The following FKBP5 variants were observed in gnomAD, a reference collection of about 807,000 sequenced individuals.
FKBP5 encodes the protein peptidyl-prolyl cis-trans isomerase FKBP5.
Under a neutral mutation model 50.5 loss-of-function variants are expected in FKBP5, and 23 were observed. The ratio of observed to expected loss-of-function variants is 0.46; its 90% CI spans 0.33 to 0.65. FKBP5 has a LOEUF of 0.65. Ranked by LOEUF, FKBP5 falls within the 30% of genes least tolerant of loss-of-function variation. The pLI is 0.02. For missense variants in FKBP5, 411 were observed against 553.1 expected (o/e 0.74, Z 2.58); for synonymous variants, 176 against 190.6 (o/e 0.92, Z 0.63).
intron 9 of FKBP5, among the ~76,000 whole-genome samples, chr6:35,577,681 A>T (rs1762265260): frequency 6.6e-6 from 1 of 152,238 alleles, no homozygotes; most frequent in African/African-American, 2.4e-5. Context: ...AACATTTGAA[A>T]ATGACAAAGG....
At chr6:35,651,877 A>C (rs1486318073) in intron 1 of FKBP5, 1 of 1,149,556 alleles carries the variant, frequency 8.7e-7, no homozygotes, top group Non-Finnish European at 1.1e-6. Flanking sequence ...GGTGCAAAAA[A>C]TAAATCCTCT....
At chr6:35,624,622 T>C (rs1392830875) in intron 3 of FKBP5, among the ~76,000 whole-genome samples, 2 of 152,126 alleles carry the variant, frequency 1.3e-5, no homozygotes, top group Non-Finnish European at 2.9e-5. Context: ...CTAGCTTTGG[T>C]CTCACTCTAC....
intron 1 of FKBP5, among the ~76,000 whole-genome samples, chr6:35,649,247 T>G (rs1290048633): frequency 8.6e-6 from 1 of 115,934 alleles, no homozygotes; most frequent in Non-Finnish European, 1.9e-5. Context: ...CAAGACTCTG[T>G]CTAAAAAAAA....
intron 1 of FKBP5, among the ~76,000 whole-genome samples, chr6:35,663,134 T>G (rs1030960901): frequency 3.3e-5 from 5 of 152,062 alleles, no homozygotes; most frequent in Admixed American, 2.0e-4. Flanking sequence ...GTGGAAATGA[T>G]GAGAGAGCAA....
chr6:35,638,290 AT>A (rs1764374376), intron 2 of FKBP5, among the ~76,000 whole-genome samples: 1 of 152,184 alleles, frequency 6.6e-6, no homozygotes, highest in South Asian at 2.1e-4. Flanking sequence ...TTTGAGTTTT[AT>A]TTAAATAATT....
chr6:35,647,208 C>A (rs908033088), intron 1 of FKBP5, among the ~76,000 whole-genome samples: 5 of 152,050 alleles, frequency 3.3e-5, no homozygotes, highest in Non-Finnish European at 1.5e-5. Flanking sequence ...AAGCAGAAAG[C>A]AAAGGATTAT....
At chr6:35,596,353 C>T (rs1368262502) in intron 6 of FKBP5, among the ~76,000 whole-genome samples, 2 of 151,930 alleles carry the variant, frequency 1.3e-5, no homozygotes, top group African/African-American at 2.4e-5. Flanking sequence ...GACTCCATCT[C>T]AAAATATATA....
chr6:35,607,232 C>T (rs1315091501), intron 5 of FKBP5, among the ~76,000 whole-genome samples: 1 of 151,884 alleles, frequency 6.6e-6, no homozygotes, highest in African/African-American at 2.4e-5. Flanking sequence ...GCCACCACGC[C>T]CAGCCTGTTT....
At chr6:35,612,113 A>G (rs917327960) in intron 5 of FKBP5, among the ~76,000 whole-genome samples, 1 of 152,196 alleles carries the variant, frequency 6.6e-6, no homozygotes, top group Non-Finnish European at 1.5e-5. Context: ...GGAGTCAGCC[A>G]GGCACAGTGG....
At chr6:35,642,917 A>G (rs1237697122) in intron 1 of FKBP5, 74 bp from the exon 2 acceptor site, 2 of 1,047,154 alleles carry the variant, frequency 1.9e-6, no homozygotes, top group African/African-American at 1.6e-5. Context: ...CTGGGAACTG[A>G]GCTCTACCTA....
chr6:35,585,953 G>A (rs924926315), intron 8 of FKBP5: 16 of 984,370 alleles, frequency 1.6e-5, no homozygotes, highest in Non-Finnish European at 1.9e-5. Flanking sequence ...TCCTGACAAG[G>A]TTGTAACTTA....
intron 7 of FKBP5, 146 bp from the exon 8 acceptor site, chr6:35,587,263 C>T (rs1241586368): frequency 9.7e-6 from 7 of 718,992 alleles, no homozygotes; most frequent in Admixed American, 4.7e-5. Context: ...TGCCAATTTA[C>T]TGCTAGGCCA....
intron 1 of FKBP5, among the ~76,000 whole-genome samples, chr6:35,650,299 CA>C (rs34190034): frequency 0.6 from 59,775 of 99,678 alleles, 13,505 homozygotes; most frequent in Middle Eastern, 0.64. Flanking sequence ...AGATATTGTC[CA>C]AAAAAAAAAA....
intron 7 of FKBP5, among the ~76,000 whole-genome samples, chr6:35,588,397 G>A (rs1274601948): frequency 6.6e-6 from 1 of 152,068 alleles, no homozygotes; most frequent in Non-Finnish European, 1.5e-5. Context: ...TCCTAATAAT[G>A]TAGCTCAAAT....
chr6:35,673,405 C>T lies in FKBP5; in HGVS notation c.-20+15399G>A, dbSNP rs555983957. ...TCTCTACAGAAAATTTAAAAATTAG[C>T]CAGGTGCGGTGGTGTGCACCTTTAG... On this transcript the variant is annotated intron_variant, in intron 1 of 10. Coordinates refer to ENST00000357266, the MANE Select transcript of FKBP5 (RefSeq NM_004117.4). Among the ~76,000 whole-genome samples, 11 of 152,162 alleles carry T rather than the reference C, an allele frequency of 7.2e-5. No individual in the cohort carries two copies. In the South Asian group the frequency reaches 2.3e-3, roughly 32 times the overall value.
chr6:35,707,285 C>T (rs1319165981), intron 2 of FKBP5, among the ~76,000 whole-genome samples: 67 of 135,848 alleles, frequency 4.9e-4, no homozygotes, highest in African/African-American at 1.6e-3. Flanking sequence ...GACGTGATCT[C>T]GGCTCACCAC....
chr6:35,616,617 G>C (rs751029451), intron 5 of FKBP5, among the ~76,000 whole-genome samples: 5 of 152,038 alleles, frequency 3.3e-5, no homozygotes, highest in Non-Finnish European at 2.9e-5. Flanking sequence ...GACTCCCATC[G>C]CAAGTATTAC....
At chr6:35,588,059 CTT>C (rs1285239702) in intron 7 of FKBP5, among the ~76,000 whole-genome samples, 7 of 149,990 alleles carry the variant, frequency 4.7e-5, no homozygotes, top group African/African-American at 1.5e-4. Flanking sequence ...GAGTTTCGCT[CTT>C]GTTGTCCAGG....
In FKBP5 at chr6:35,573,858, C is replaced by T. The variant is rs1762133387; in HGVS notation, c.*1977G>A. On this transcript the variant is annotated 3_prime_UTR_variant, in exon 11 of 11. Transcript: ENST00000357266. Reference sequence around the variant, plus strand: ...AACCACTCACACACCCTTCCCCTCCCCACACACACTTTTGCCAGTTCCCCC... The same window carrying T: ...AACCACTCACACACCCTTCCCCTCCTCACACACACTTTTGCCAGTTCCCCC... 1.3e-5 allele frequency: 2 copies of T among 152,186 alleles called. No homozygotes were observed. Among genetic ancestry groups the T allele is most frequent in the African/African-American group, 4.8e-5 (2 of 41,444 alleles). The allele number at this position is 152,186 out of a possible 1,614,324, so 9.4% of individuals were successfully genotyped here. A position where few individuals can be genotyped will look rare whatever the true frequency, so the allele number is the denominator to read the frequency against.
Sources: allele counts gnomAD v4.1 joint callset (sites outside exome capture counted in the v4.1 genomes callset), GRCh38; gene constraint gnomAD v4.1.1; transcripts MANE v1.5; gene names NCBI Gene and HGNC (gene_info 2026-07-23, HGNC 2026-07-21).